ROBO1: variants seen among roughly 807,000 people sequenced by gnomAD.
ROBO1 encodes the protein roundabout guidance receptor 1, also known as roundabout homolog 1.
Under a neutral mutation model 195.9 loss-of-function variants are expected in ROBO1, and 149 were observed. That is an observed-to-expected ratio of 0.76 (90% CI 0.67 to 0.87). ROBO1 has a LOEUF of 0.87. Ranked by LOEUF, ROBO1 falls within the 40% of genes least tolerant of loss-of-function variation. The probability of loss-of-function intolerance (pLI) is 0.00; values close to 1 mark genes in which losing one functional copy is unlikely to be tolerated. For missense variants in ROBO1, 1,933 were observed against 2,068.3 expected, an observed-to-expected ratio of 0.93 and a Z score of 1.27; for synonymous variants, 816 against 733.2, an observed-to-expected ratio of 1.11 and a Z score of -1.82.
chr3:78,626,938 A>C (rs1473589876), intron 26 of ROBO1, among the ~76,000 whole-genome samples: 2 of 152,172 alleles, frequency 1.3e-5, no homozygotes, highest in Non-Finnish European at 2.9e-5. Flanking sequence ...AAGACAGGAG[A>C]AAATCTGTTT....
At chr3:79,095,769 T>C (rs2079555604) in intron 3 of ROBO1, among the ~76,000 whole-genome samples, 1 of 152,108 alleles carries the variant, frequency 6.6e-6, no homozygotes, top group South Asian at 2.1e-4. Context: ...ACAAACACTG[T>C]ATTAATACCC....
intron 1 of ROBO1, among the ~76,000 whole-genome samples, chr3:79,760,497 C>CAA (rs71631676): frequency 0.32 from 36,863 of 114,162 alleles, 6,049 homozygotes; most frequent in Middle Eastern, 0.45. Context: ...AATGCAATAC[C>CAA]AAAAAAAAAA....
intron 2 of ROBO1, among the ~76,000 whole-genome samples, chr3:79,330,129 G>T (rs1195430443): frequency 1.3e-5 from 2 of 151,524 alleles, no homozygotes; most frequent in Admixed American, 1.3e-4. Context: ...TCTCACTGTG[G>T]AATATCTTTC....
intron 1 of ROBO1, among the ~76,000 whole-genome samples, chr3:79,707,435 A>G (rs186717215): frequency 1.3e-5 from 2 of 152,248 alleles, no homozygotes; most frequent in Admixed American, 1.3e-4. Context: ...ATATTTTCAA[A>G]GAATCTGCTT....
chr3:79,094,190 G>T (rs552721213), intron 3 of ROBO1, among the ~76,000 whole-genome samples: 2 of 152,202 alleles, frequency 1.3e-5, no homozygotes, highest in East Asian at 3.9e-4. Context: ...AGTTATGGGA[G>T]TTGCTTATTA....
chr3:78,978,408 G>A (rs2076926705), intron 3 of ROBO1, among the ~76,000 whole-genome samples: 1 of 152,090 alleles, frequency 6.6e-6, no homozygotes, highest in South Asian at 2.1e-4. Context: ...TTGAAATGCT[G>A]AGAAATGACA....
At chr3:79,223,370 C>A (rs1210396993) in intron 2 of ROBO1, among the ~76,000 whole-genome samples, 3 of 152,134 alleles carry the variant, frequency 2.0e-5, no homozygotes, top group African/African-American at 4.8e-5. Flanking sequence ...TTTAACCCTG[C>A]AGACATTGTT....
intron 3 of ROBO1, among the ~76,000 whole-genome samples, chr3:79,124,414 A>C (rs1559677605): frequency 1.3e-5 from 2 of 152,218 alleles, no homozygotes; most frequent in Non-Finnish European, 2.9e-5. Flanking sequence ...AATGATATTT[A>C]TGAAGACTGT....
chr3:79,399,233 A>G (rs2037269583), intron 2 of ROBO1, among the ~76,000 whole-genome samples: 1 of 152,128 alleles, frequency 6.6e-6, no homozygotes, highest in African/African-American at 2.4e-5. Flanking sequence ...TAGTCAGATC[A>G]TATCAGTGTT....
At chr3:79,686,201 G>A (rs1055622216) in intron 1 of ROBO1, among the ~76,000 whole-genome samples, 7 of 152,108 alleles carry the variant, frequency 4.6e-5, no homozygotes, top group Non-Finnish European at 1.0e-4. Flanking sequence ...CAATAAATTA[G>A]GTATTGATGG....
chr3:79,150,085 T>C (rs191542965), intron 2 of ROBO1, among the ~76,000 whole-genome samples: 1 of 151,774 alleles, frequency 6.6e-6, no homozygotes, highest in Admixed American at 6.6e-5. Flanking sequence ...AATTTGTCAG[T>C]TGCAGTTCAG....
chr3:78,909,668 C>T (rs527601553), intron 4 of ROBO1, among the ~76,000 whole-genome samples: 1 of 151,750 alleles, frequency 6.6e-6, no homozygotes, highest in African/African-American at 2.4e-5. Flanking sequence ...TAATCAATTA[C>T]TATTTTTATT....
chr3:79,523,368 A>G (rs983927459), intron 2 of ROBO1, among the ~76,000 whole-genome samples: 32 of 152,056 alleles, frequency 2.1e-4, no homozygotes, highest in African/African-American at 6.5e-4. Context: ...TGATAAATAT[A>G]CACAATTTTA....
chr3:78,674,737 G>C (rs1318597951), intron 10 of ROBO1, among the ~76,000 whole-genome samples: 1 of 152,186 alleles, frequency 6.6e-6, no homozygotes, highest in African/African-American at 2.4e-5. Flanking sequence ...ATAACGTCAT[G>C]TCAGTTGGCA....
At chr3:79,499,992 G>A (rs1939970009) in intron 2 of ROBO1, among the ~76,000 whole-genome samples, 1 of 151,874 alleles carries the variant, frequency 6.6e-6, no homozygotes, top group Non-Finnish European at 1.5e-5. Context: ...TTTTTTACTA[G>A]AGATGGGGTT....
chr3:78,879,643 G>GAA (rs57640366), intron 4 of ROBO1, among the ~76,000 whole-genome samples: 6 of 144,322 alleles, frequency 4.2e-5, no homozygotes, highest in African/African-American at 1.5e-4. Context: ...CCATTTCAGG[G>GAA]AAAAAAAAAA....
At chr3:79,584,631 GTGTGTGT>G (rs1943766470) in intron 2 of ROBO1, among the ~76,000 whole-genome samples, 2 of 139,740 alleles carry the variant, frequency 1.4e-5, no homozygotes, top group Admixed American at 1.4e-4. Flanking sequence ...GTGTGTGTGT[GTGTGTGT>G]ATGTTCATAC....
At chr3:79,212,272 C>G (rs952340227) in intron 2 of ROBO1, among the ~76,000 whole-genome samples, 2 of 152,044 alleles carry the variant, frequency 1.3e-5, no homozygotes, top group Non-Finnish European at 2.9e-5. Flanking sequence ...GTGGCCAGAT[C>G]TGGGGGCAGT....
chr3:79,525,224 GTTAAT>G (rs1383979873), intron 2 of ROBO1, among the ~76,000 whole-genome samples: 2 of 150,598 alleles, frequency 1.3e-5, no homozygotes, highest in Non-Finnish European at 3.0e-5. Context: ...TAAGGTTATG[GTTAAT>G]TTTTTAGTCT....
Sources: gnomAD v4.1 joint callset for allele counts (sites outside exome capture counted in the v4.1 genomes callset) on GRCh38, gnomAD v4.1.1 for gene constraint, MANE v1.5 for transcripts, NCBI Gene and HGNC (gene_info 2026-07-23, HGNC 2026-07-21) for gene names.